Variants in STIL observed in about 807,000 individuals in gnomAD.
STIL encodes the protein SCL-interrupting locus protein.
STIL carries 55 observed loss-of-function variants against 110.1 expected under a neutral mutation model. That is an observed-to-expected ratio of 0.50 (90% CI 0.40 to 0.63). The LOEUF (loss-of-function observed/expected upper bound fraction) is 0.63. STIL is among the 20% of genes least tolerant of loss of function. The pLI is 0.00. For missense variants in STIL, 1,358 were observed against 1,530.0 expected, an observed-to-expected ratio of 0.89 and a Z score of 1.87; for synonymous variants, 481 against 530.0, an observed-to-expected ratio of 0.91 and a Z score of 1.27.
Position 47,282,447 on chromosome 1 carries a change from C to A in STIL, c.1146G>T (p.Lys382Asn). 6.2e-7 allele frequency: 1 copy of A among 1,610,568 alleles called. No homozygotes were observed. Among genetic ancestry groups the A allele is most frequent in the Non-Finnish European group, 8.5e-7 (1 of 1,177,980 alleles). Residue 382 changes from lysine (K) to asparagine (N), a missense_variant, in exon 11 of 17, where the codon AAG becomes AAT. Transcript: ENST00000371877. ...GTATTGGCATCTTCCCAGAAGATAACTTTTGGGAAGACCTAAAGAATAGAA... is the reference window on the plus strand; with the variant it reads ...GTATTGGCATCTTCCCAGAAGATAAATTTTGGGAAGACCTAAAGAATAGAA... ...KNFSIKRSSQ[K>N]LSSGKMPIHD...
At chr1:47,310,495 A>G (rs1265828907) in intron 1 of STIL, 133 bp from the exon 2 acceptor site, 1 of 562,058 alleles carries the variant, frequency 1.8e-6, no homozygotes, top group Non-Finnish European at 3.1e-6. Flanking sequence ...ATAAGATTAA[A>G]TGCTTGTAGA....
intron 16 of STIL, among the ~76,000 whole-genome samples, chr1:47,256,397 C>G (rs546464692): frequency 2.7e-5 from 4 of 149,534 alleles, no homozygotes; most frequent in African/African-American, 9.8e-5. Context: ...CCGAGACTGG[C>G]AGATCACAAG....
intron 6 of STIL, among the ~76,000 whole-genome samples, chr1:47,296,179 C>T (rs1286974538): frequency 6.6e-6 from 1 of 152,174 alleles, no homozygotes; most frequent in African/African-American, 2.4e-5. Flanking sequence ...AGTTTCAGAA[C>T]CAAATAGGTT....
chr1:47,251,541 CAATA>C lies in STIL; in HGVS notation c.3458_3461del (p.Leu1153Ter). ...CAGGTATGGACCTAAGGTTCTGATTCAATAAATATTCACTCTTGCTATCTGCATT... is the reference window on the plus strand; with the variant it reads ...CAGGTATGGACCTAAGGTTCTGATTCAATATTCACTCTTGCTATCTGCATT... On this transcript the variant is annotated frameshift_variant, in exon 17 of 17. Transcript: ENST00000371877. LOFTEE classifies it low-confidence loss of function (END_TRUNC). 6.2e-7 allele frequency: 1 copy of C among 1,614,168 alleles called. No individual in the cohort carries two copies. The highest frequency in any genetic ancestry group is 1.1e-5 in the South Asian group (1 of 91,080).
At chr1:47,264,165 C>T (rs1184287239) in intron 14 of STIL, among the ~76,000 whole-genome samples, 1 of 152,206 alleles carries the variant, frequency 6.6e-6, no homozygotes, top group African/African-American at 2.4e-5. Context: ...TAAAATAACA[C>T]CAAGAGCTAG....
At chr1:47,253,132 C>T (rs1002634851) in intron 16 of STIL, among the ~76,000 whole-genome samples, 3 of 152,130 alleles carry the variant, frequency 2.0e-5, no homozygotes, top group South Asian at 4.1e-4. Context: ...ATTACTGAGT[C>T]GTTATATATG....
At chr1:47,265,596 C>G (rs183847298) in intron 14 of STIL, among the ~76,000 whole-genome samples, 99 of 151,942 alleles carry the variant, frequency 6.5e-4, no homozygotes, top group African/African-American at 2.3e-3. Flanking sequence ...GCCTGGCCAA[C>G]ATGGAGAAAC....
At chr1:47,258,769 C>T (rs1179349438) in intron 16 of STIL, among the ~76,000 whole-genome samples, 1 of 151,968 alleles carries the variant, frequency 6.6e-6, no homozygotes, top group Non-Finnish European at 1.5e-5. Flanking sequence ...ACTCAAAAGG[C>T]TGAGATGGGA....
At chr1:47,286,864 C>CGTA (rs1645316400) in intron 10 of STIL, among the ~76,000 whole-genome samples, 1 of 152,110 alleles carries the variant, frequency 6.6e-6, no homozygotes, top group Non-Finnish European at 1.5e-5. Flanking sequence ...TTTCTCTACA[C>CGTA]TTCACTTTTC....
At chr1:47,270,245 TATATATATATACACACAC>T (rs1557722477) in intron 13 of STIL, among the ~76,000 whole-genome samples, 3 of 85,646 alleles carry the variant, frequency 3.5e-5, no homozygotes, top group African/African-American at 1.5e-4. Context: ...AAAAAAAATA[TATATATATATACACACAC>T]ACACACACAC....
chr1:47,285,426 T>C (rs971342758), intron 10 of STIL, among the ~76,000 whole-genome samples: 2 of 152,186 alleles, frequency 1.3e-5, no homozygotes, highest in Non-Finnish European at 2.9e-5. Context: ...TTGTTGTTTC[T>C]GTTAATCTGG....
intron 13 of STIL, among the ~76,000 whole-genome samples, chr1:47,271,558 C>CAAAAAAAAAAA: frequency 1.2e-5 from 1 of 85,610 alleles, no homozygotes; most frequent in Admixed American, 1.3e-4. Flanking sequence ...GACTCCGTCT[C>CAAAAAAAAAAA]AAAAAAAAAA....
intron 10 of STIL, among the ~76,000 whole-genome samples, chr1:47,287,314 A>AC (rs1360099355): frequency 6.6e-6 from 1 of 152,124 alleles, no homozygotes; most frequent in Non-Finnish European, 1.5e-5. Flanking sequence ...ATACTTTTGT[A>AC]TTTTTCCTGT....
Position 47,295,754 on chromosome 1 carries a change from G to GT in STIL, c.785+10dup. On this transcript the variant is annotated intron_variant, in intron 7 of 16. Transcript: ENST00000371877. ...GGCTGATAAGGTTTTCATAAATAAT[G>GT]TAATACTTACATTCCCACCAATGGT... is the stretch of plus-strand genomic sequence containing the variant. 1 of 1,578,986 alleles carries GT rather than the reference G, an allele frequency of 6.3e-7. No homozygotes were observed. Among genetic ancestry groups the GT allele is most frequent in the Non-Finnish European group, 8.7e-7 (1 of 1,148,858 alleles).
At chr1:47,301,388 C>T (rs113587774) in intron 5 of STIL, among the ~76,000 whole-genome samples, 173 bp downstream of exon 5, 31 of 152,244 alleles carry the variant, frequency 2.0e-4, no homozygotes, top group African/African-American at 7.0e-4. Flanking sequence ...CTACTCATAT[C>T]GCTTACCTAG....
chr1:47,260,577 A>G (rs1404805145), intron 15 of STIL, 38 bp from the exon 16 acceptor site: 1 of 1,603,300 alleles, frequency 6.2e-7, no homozygotes, highest in Admixed American at 1.7e-5. Flanking sequence ...AAAAATCACT[A>G]TTAACAATGT....
intron 3 of STIL, 97 bp from the exon 4 acceptor site, chr1:47,302,443 A>T (rs1645833681): frequency 9.6e-6 from 9 of 940,118 alleles, no homozygotes; most frequent in African/African-American, 1.6e-5. Flanking sequence ...ACACATTTTT[A>T]AAAATGTACA....
chr1:47,288,104 G>A lies in STIL; in HGVS notation c.1024-444C>T, dbSNP rs183675649. ...ATATATTTATATAAAATATATAGATGTATAACATATACATGATCTCAAAGA... is the reference window on the plus strand; with the variant it reads ...ATATATTTATATAAAATATATAGATATATAACATATACATGATCTCAAAGA... On this transcript the variant is annotated intron_variant, in intron 9 of 16. Coordinates refer to ENST00000371877, the MANE Select transcript of STIL (RefSeq NM_001048166.1). Among the ~76,000 whole-genome samples, 172 of 148,348 alleles carry A rather than the reference G, an allele frequency of 1.2e-3. 3 individuals are homozygous for A. The East Asian group carries it at 0.031, about 27-fold the overall frequency.
chr1:47,311,205 T>C (rs1294919212), intron 1 of STIL, among the ~76,000 whole-genome samples: 2 of 151,872 alleles, frequency 1.3e-5, no homozygotes, highest in Non-Finnish European at 2.9e-5. Context: ...TCCCATTGCT[T>C]CTACACCTAC....
Sources: allele counts gnomAD v4.1 joint callset (sites outside exome capture counted in the v4.1 genomes callset), GRCh38; gene constraint gnomAD v4.1.1; transcripts MANE v1.5; gene names NCBI Gene and HGNC (gene_info 2026-07-23, HGNC 2026-07-21).